The following CUL3 variants were observed in gnomAD, a reference collection of about 807,000 sequenced individuals.
The protein encoded by CUL3 is cullin 3.
Under a neutral mutation model 89.1 loss-of-function variants are expected in CUL3, and 19 were observed. The observed-to-expected ratio is 0.21, with a 90% confidence interval of 0.15 to 0.31. The LOEUF is 0.31. Ranked by LOEUF, CUL3 falls within the 10% of genes least tolerant of loss-of-function variation. CUL3 has a pLI of 1.00. For synonymous variants in CUL3, 351 were observed against 308.4 expected (o/e 1.14, Z -1.45); for missense variants, 469 against 942.3 (o/e 0.50, Z 6.58).
At position 224,478,098 on chromosome 2, in the gene CUL3, TTTC is replaced by T. The variant is rs797006415; in HGVS notation, c.2175+99_2175+101del. 95 of 1,226,612 alleles carry T rather than the reference TTTC, an allele frequency of 7.7e-5. No homozygotes were observed. The African/African-American group carries it at 8.4e-4, about 11-fold the overall frequency. The allele number at this position is 1,226,612 out of a possible 1,614,324, so 76.0% of individuals were successfully genotyped here. On this transcript the variant is annotated intron_variant, in intron 15 of 15. Coordinates refer to ENST00000264414, the MANE Select transcript of CUL3 (RefSeq NM_003590.5). The stretch of plus-strand genomic sequence containing the variant: ...TTTCATAAGTGTTACATCACTAGGA[TTTC>T]TTAATTGTAAAATTGTTTTTAAAAT...
chr2:224,562,997 G>T (rs1267518027), intron 1 of CUL3: 6 of 215,096 alleles, frequency 2.8e-5, no homozygotes, highest in Non-Finnish European at 5.6e-5. Flanking sequence ...AACGTCAGTA[G>T]ATTTAACACA....
intron 1 of CUL3, among the ~76,000 whole-genome samples, chr2:224,578,331 T>C (rs1424262088): frequency 6.6e-6 from 1 of 152,144 alleles, no homozygotes; most frequent in African/African-American, 2.4e-5. Context: ...CAGTAAGAAA[T>C]TTTTTAACAG....
intron 3 of CUL3, among the ~76,000 whole-genome samples, chr2:224,518,324 A>G (rs1446304532): frequency 1.3e-5 from 2 of 152,232 alleles, no homozygotes; most frequent in Non-Finnish European, 2.9e-5. Context: ...GTTTAGGGCT[A>G]AACAGCACTC....
chr2:224,539,772 A>G (rs1044538596), intron 2 of CUL3, among the ~76,000 whole-genome samples: 7 of 152,134 alleles, frequency 4.6e-5, no homozygotes, highest in Admixed American at 3.3e-4. Context: ...AGAGAGCAAA[A>G]AAAAAAAAAT....
chr2:224,582,481 G>C (rs1425647444), intron 1 of CUL3, among the ~76,000 whole-genome samples: 1 of 152,108 alleles, frequency 6.6e-6, no homozygotes. Context: ...TTTCCAATGG[G>C]AATCACTTAG....
At chr2:224,525,388 C>T (rs1028957780) in intron 3 of CUL3, among the ~76,000 whole-genome samples, 4 of 152,146 alleles carry the variant, frequency 2.6e-5, no homozygotes, top group African/African-American at 9.7e-5. Context: ...ATCTCTCTAA[C>T]CTCATTCTTA....
At chr2:224,526,038 T>C (rs1202922604) in intron 3 of CUL3, among the ~76,000 whole-genome samples, 1 of 152,078 alleles carries the variant, frequency 6.6e-6, no homozygotes, top group Non-Finnish European at 1.5e-5. Context: ...CAGGAGAGAG[T>C]TCGTGAAATA....
At chr2:224,583,928 T>A (rs1386084365) in intron 1 of CUL3, among the ~76,000 whole-genome samples, 2 of 152,256 alleles carry the variant, frequency 1.3e-5, no homozygotes, top group African/African-American at 4.8e-5. Flanking sequence ...AAGATCTTTC[T>A]CTAATTTTAC....
intron 13 of CUL3, among the ~76,000 whole-genome samples, chr2:224,488,442 C>T (rs746677110): frequency 1.4e-4 from 21 of 152,036 alleles, no homozygotes; most frequent in South Asian, 2.1e-4. Flanking sequence ...ATATCACCAC[C>T]GATCCCACAG....
At chr2:224,505,846 C>G in intron 8 of CUL3, 110 bp downstream of exon 8, 1 of 651,950 alleles carries the variant, frequency 1.5e-6, no homozygotes, top group Non-Finnish European at 2.4e-6. Context: ...CCCATTTAAG[C>G]ACAGCAATGG....
chr2:224,551,116 G>A (rs1443692182), intron 2 of CUL3, among the ~76,000 whole-genome samples: 1 of 150,018 alleles, frequency 6.7e-6, no homozygotes, highest in Non-Finnish European at 1.5e-5. Flanking sequence ...CAGTGCAGTA[G>A]TTCAGTAACA....
At chr2:224,521,334 TTA>T (rs1693251673) in intron 3 of CUL3, among the ~76,000 whole-genome samples, 1 of 152,190 alleles carries the variant, frequency 6.6e-6, no homozygotes, top group Non-Finnish European at 1.5e-5. Context: ...CTCTGAAAGC[TTA>T]GTATAAATAT....
At chr2:224,481,235 T>TATCTA (rs1224635808) in intron 14 of CUL3, among the ~76,000 whole-genome samples, 1 of 152,088 alleles carries the variant, frequency 6.6e-6, no homozygotes, top group African/African-American at 2.4e-5. Context: ...CTAGGAAGCC[T>TATCTA]ATCTAATACT....
chr2:224,576,187 C>G (rs759646379), intron 1 of CUL3, among the ~76,000 whole-genome samples: 3 of 152,028 alleles, frequency 2.0e-5, no homozygotes, highest in Non-Finnish European at 4.4e-5. Flanking sequence ...TAATAGAAAC[C>G]TCAATTCAAA....
At chr2:224,512,075 T>C (rs934120597) in intron 5 of CUL3, among the ~76,000 whole-genome samples, 12 of 151,954 alleles carry the variant, frequency 7.9e-5, no homozygotes, top group Admixed American at 6.6e-4. Flanking sequence ...AAATAAGAGC[T>C]TTTAAATAAC....
chr2:224,528,863 G>GT (rs1693581491), intron 3 of CUL3, among the ~76,000 whole-genome samples: 1 of 151,810 alleles, frequency 6.6e-6, no homozygotes, highest in South Asian at 2.1e-4. Flanking sequence ...TGCTGCAAAG[G>GT]TATTTGCAGA....
At chr2:224,515,371 T>C (rs1479877179) in intron 3 of CUL3, among the ~76,000 whole-genome samples, 1 of 152,194 alleles carries the variant, frequency 6.6e-6, no homozygotes, top group Non-Finnish European at 1.5e-5. Flanking sequence ...AATCCAGAAG[T>C]GTTGTGCATT....
In CUL3 at chr2:224,497,571, G is replaced by A. The variant is rs540146629; in HGVS notation, c.1707+182C>T. Among the ~76,000 whole-genome samples, 219 of 152,126 alleles carry A rather than the reference G, an allele frequency of 1.4e-3. 6 individuals carry two copies. Among genetic ancestry groups the A allele is most frequent in the Non-Finnish European group, 1.5e-3 (100 of 67,988 alleles). On this transcript the variant is annotated intron_variant, in intron 12 of 15. Transcript: ENST00000264414. ...CTGGTATAGTCTTCATATTTTCAAA[G>A]GTGCAGTTAGCAACTGAGAGAACAG...
intron 13 of CUL3, among the ~76,000 whole-genome samples, chr2:224,486,687 A>G (rs1289675048): frequency 6.6e-6 from 1 of 152,158 alleles, no homozygotes; most frequent in African/African-American, 2.4e-5. Context: ...AACTTGGAAA[A>G]CACACTTCAG....
Sources: allele counts gnomAD v4.1 joint callset (sites outside exome capture counted in the v4.1 genomes callset), GRCh38; gene constraint gnomAD v4.1.1; transcripts MANE v1.5; gene names NCBI Gene and HGNC (gene_info 2026-07-23, HGNC 2026-07-21).